Variants in CCNL2 observed in about 807,000 individuals in gnomAD.
CCNL2 encodes cyclin L2.
A neutral mutation model predicts 59.1 loss-of-function variants in CCNL2; 28 were observed. The ratio of observed to expected loss-of-function variants is 0.47; its 90% CI spans 0.35 to 0.65. The LOEUF is 0.65. CCNL2 is among the 30% of genes least tolerant of loss of function. The pLI, the probability that CCNL2 is intolerant of heterozygous loss-of-function variation, is 0.00. For missense variants in CCNL2, 714 were observed against 717.4 expected (o/e 1.00, Z 0.05); for synonymous variants, 342 against 288.6 (o/e 1.19, Z -1.88).
chr1:1,394,400 T>C (rs1406858252), intron 4 of CCNL2, among the ~76,000 whole-genome samples: 1 of 152,138 alleles, frequency 6.6e-6, no homozygotes, highest in Admixed American at 6.6e-5. Flanking sequence ...GGGGCCAGAA[T>C]TCCCCTAATT....
At chr1:1,392,250 C>T (rs1354409775) in intron 5 of CCNL2, 8 of 860,504 alleles carry the variant, frequency 9.3e-6, no homozygotes, top group African/African-American at 3.7e-5. Flanking sequence ...TATTAATCCA[C>T]GAACTTAAAA....
chr1:1,397,987 C>G (rs932759771), intron 3 of CCNL2, among the ~76,000 whole-genome samples: 1 of 152,190 alleles, frequency 6.6e-6, no homozygotes, highest in Non-Finnish European at 1.5e-5. Flanking sequence ...ATGGGTAAAG[C>G]AGGAAGCCAG....
chr1:1,397,509 G>A (rs1030713367), intron 3 of CCNL2, among the ~76,000 whole-genome samples: 1 of 152,158 alleles, frequency 6.6e-6, no homozygotes, highest in Non-Finnish European at 1.5e-5. Flanking sequence ...CTGTCATCCA[G>A]TGAGTCGAGA....
In CCNL2 at chr1:1,387,493, C is replaced by A. The variant is rs779163870; in HGVS notation, c.1301G>T (p.Arg434Leu). Reference protein sequence around the residue: ...RSDSPPRQAPRSAPYKGSEIR... With the variant: ...RSDSPPRQAPLSAPYKGSEIR... ...CTCAGAGCCTTTGTAGGGAGCGCTG[C>A]GGGGGGCCTGTCTCGGTGGGGAGTC... Residue 434 changes from arginine (R) to leucine (L), a missense_variant, in exon 11 of 11, where the codon CGC becomes CTC. Around this residue, in one of 5 missense-constraint regions of CCNL2, gnomAD observed 403 missense variants for 377.7 expected, o/e 1.07. Coordinates refer to ENST00000400809, the MANE Select transcript of CCNL2 (RefSeq NM_030937.6). 6.3e-7 allele frequency: 1 copy of A among 1,593,112 alleles called. No homozygotes were observed. Among genetic ancestry groups the A allele is most frequent in the South Asian group, 1.1e-5 (1 of 89,372 alleles).
chr1:1,387,219 T>C lies in CCNL2; in HGVS notation c.*12A>G, dbSNP rs751403151. 5.0e-6 allele frequency: 8 copies of C among 1,591,926 alleles called. No individual in the cohort carries two copies. The East Asian group carries it at 1.8e-4, about 36-fold the overall frequency. On this transcript the variant is annotated 3_prime_UTR_variant, in exon 11 of 11. Coordinates refer to ENST00000400809, the MANE Select transcript of CCNL2 (RefSeq NM_030937.6). ...GGAAGGGCTTGCGGCCACCAGTCAC[T>C]GCAACCCCGCCTCACCTCCGATGCC...
At chr1:1,390,690 T>C in intron 6 of CCNL2, 76 bp downstream of exon 6, 24 of 1,500,340 alleles carry the variant, frequency 1.6e-5, no homozygotes, top group Non-Finnish European at 2.1e-5. Context: ...ATTTGAAGAA[T>C]AACACAGTAA....
At chr1:1,398,930 G>A in intron 1 of CCNL2, 89 bp downstream of exon 1, 3 of 1,461,560 alleles carry the variant, frequency 2.1e-6, no homozygotes, top group Non-Finnish European at 2.7e-6. Context: ...GGGTCTAGGC[G>A]GGGGCGGTGC....
chr1:1,395,326 G>A (rs889094032), intron 4 of CCNL2, 68 bp downstream of exon 4: 3 of 1,580,110 alleles, frequency 1.9e-6, no homozygotes, highest in African/African-American at 2.7e-5. Context: ...CTGCACTGAG[G>A]TGGAGAGAGG....
intron 1 of CCNL2, 59 bp downstream of exon 1, chr1:1,398,960 C>A (rs1241133952): frequency 4.0e-6 from 6 of 1,506,412 alleles, no homozygotes; most frequent in Non-Finnish European, 5.3e-6. Context: ...TCGCCGCCAA[C>A]AAAGGCGGCT....
intron 5 of CCNL2, chr1:1,392,459 G>C: frequency 1.6e-6 from 2 of 1,212,526 alleles, no homozygotes; most frequent in Middle Eastern, 3.3e-4. Flanking sequence ...CAGCCAATTT[G>C]TCTCTTCAAT....
chr1:1,390,203 TG>T (rs1644688424), intron 8 of CCNL2, 26 bp downstream of exon 8: 1 of 1,548,338 alleles, frequency 6.5e-7, no homozygotes, highest in Admixed American at 1.9e-5. Flanking sequence ...TTGTGGGGAG[TG>T]GATTCCTGCA....
chr1:1,392,713 G>A (rs1416779899), intron 5 of CCNL2: 1 of 1,589,462 alleles, frequency 6.3e-7, no homozygotes, highest in Non-Finnish European at 8.6e-7. Context: ...TGGAGAGCCT[G>A]CACTGGATTG....
chr1:1,390,659 G>C, intron 6 of CCNL2, 96 bp from the exon 7 acceptor site: 1 of 1,474,168 alleles, frequency 6.8e-7, no homozygotes, highest in African/African-American at 1.4e-5. Context: ...TCACGAAAAT[G>C]CTTTGGCCCA....
chr1:1,398,161 C>A, intron 3 of CCNL2, 72 bp downstream of exon 3: 2 of 1,430,394 alleles, frequency 1.4e-6, no homozygotes, highest in East Asian at 4.6e-5. Flanking sequence ...GTTATACAAG[C>A]CTTACTGTAA....
At position 1,387,241 on chromosome 1, in the gene CCNL2, T is replaced by C. The variant is rs1569870836; in HGVS notation, c.1553A>G (p.His518Arg). ...YERDHPGHSR[H>R]RR ...CACTGCAACCCCGCCTCACCTCCGA[T>C]GCCTGCTGTGCCCAGGGTGGTCCCG... The change falls in exon 11 of 11, where the codon CAT (histidine) becomes CGT (arginine). Residue 518 changes from histidine (H) to arginine (R), a missense_variant. His to Arg is a conservative substitution (Grantham distance 29). Around this residue, in one of 5 missense-constraint regions of CCNL2, gnomAD observed 403 missense variants for 377.7 expected, o/e 1.07. Transcript: ENST00000400809. 1 of 1,602,880 alleles carries C rather than the reference T, an allele frequency of 6.2e-7. No individual in the cohort carries two copies. Among genetic ancestry groups the C allele is most frequent in the Non-Finnish European group, 8.5e-7 (1 of 1,176,528 alleles).
In CCNL2 at chr1:1,387,265, C is replaced by G; in HGVS notation, c.1529G>C (p.Arg510Pro). Residue 510 changes from arginine (R) to proline (P), a missense_variant, in exon 11 of 11, where the codon CGG (arginine) becomes CCG (proline). Transcript: ENST00000400809. ...ATGCCTGCTGTGCCCAGGGTGGTCC[C>G]GCTCATAGCGACGGCCTGTGCGTTC... is the stretch of plus-strand genomic sequence containing the variant. ...SYERTGRRYE[R>P]DHPGHSRHRR 6.2e-7 allele frequency: 1 copy of G among 1,610,572 alleles called. No homozygotes were observed. The highest frequency in any genetic ancestry group is 8.5e-7 in the Non-Finnish European group (1 of 1,179,938).
At chr1:1,396,933 T>C (rs1462323505) in intron 3 of CCNL2, among the ~76,000 whole-genome samples, 1 of 151,614 alleles carries the variant, frequency 6.6e-6, no homozygotes, top group Non-Finnish European at 1.5e-5. Flanking sequence ...GTATTTTTAG[T>C]AGACGGGGTT....
Position 1,391,616 on chromosome 1 carries a change from T to C in CCNL2, c.660-751A>G, listed in dbSNP as rs1185149138. The C allele has an allele frequency of 4.2e-6, 5 of 1,188,188 alleles. No individual in the cohort carries two copies. In the Admixed American group the frequency reaches 7.1e-5, roughly 17 times the overall value. The allele number at this position is 1,188,188 out of a possible 1,614,324, so 73.6% of individuals were successfully genotyped here. On this transcript the variant is annotated intron_variant, in intron 5 of 10. Coordinates refer to ENST00000400809, the MANE Select transcript of CCNL2 (RefSeq NM_030937.6). ...CATAGAATCAGAAGCAACACAATAC[T>C]GAGAAGCAACATGATACTGAGAAGC...
At chr1:1,390,904 C>G (rs756686249) in intron 5 of CCNL2, 39 bp from the exon 6 acceptor site, 3 of 1,543,862 alleles carry the variant, frequency 1.9e-6, no homozygotes, top group South Asian at 1.1e-5. Flanking sequence ...ATGCCCCACC[C>G]GGGAACCCAG....
Sources: allele counts gnomAD v4.1 joint callset (sites outside exome capture counted in the v4.1 genomes callset), GRCh38; gene constraint gnomAD v4.1.1; regional missense constraint gnomAD v4.1.1; transcripts MANE v1.5; gene names NCBI Gene and HGNC (gene_info 2026-07-23, HGNC 2026-07-21).